The following EDA variants were observed in gnomAD, a reference collection of about 807,000 sequenced individuals.
The protein encoded by EDA is ectodysplasin A.
Under a neutral mutation model 23.6 loss-of-function variants are expected in EDA, and 2 were observed. The ratio of observed to expected loss-of-function variants is 0.08; its 90% CI spans 0.03 to 0.27. The LOEUF (loss-of-function observed/expected upper bound fraction) is 0.27, where lower values mean the gene tolerates loss of function less well. Ranked by LOEUF, EDA falls within the 10% of genes least tolerant of loss-of-function variation. The pLI is 1.00. For missense variants in EDA, 229 were observed against 324.2 expected, an observed-to-expected ratio of 0.71 and a Z score of 2.26; for synonymous variants, 131 against 132.0, an observed-to-expected ratio of 0.99 and a Z score of 0.05.
chrX:69,848,463 G>A (rs1055573059), intron 1 of EDA, among the ~76,000 whole-genome samples: 2 of 110,472 alleles, frequency 1.8e-5, no homozygotes, highest in African/African-American at 6.6e-5. Flanking sequence ...TGATAGTTGG[G>A]ATACTTTATA....
chrX:69,780,164 A>G (rs1344838811), intron 1 of EDA, among the ~76,000 whole-genome samples: 2 of 107,725 alleles, frequency 1.9e-5, no homozygotes, highest in Non-Finnish European at 3.9e-5. Flanking sequence ...ATAACATTTT[A>G]TAAAGAAAGA....
chrX:70,033,109 G>A (rs145421602), intron 6 of EDA, among the ~76,000 whole-genome samples: 43 of 112,650 alleles, frequency 3.8e-4, no homozygotes, highest in African/African-American at 1.3e-3. Flanking sequence ...TCCTCCACCG[G>A]CAAATTCCAG....
At chrX:69,836,461 C>A (rs1296522787) in intron 1 of EDA, among the ~76,000 whole-genome samples, 3 of 112,566 alleles carry the variant, frequency 2.7e-5, no homozygotes, top group Admixed American at 9.4e-5. Flanking sequence ...CTCCCCCAGC[C>A]AGGCTGCCAC....
chrX:69,910,374 A>AGAGAGAGAGTGT (rs1191245556), intron 1 of EDA, among the ~76,000 whole-genome samples: 9 of 41,755 alleles, frequency 2.2e-4, no homozygotes, highest in Admixed American at 1.8e-3. Flanking sequence ...AGAGAGAGAG[A>AGAGAGAGAGTGT]GTGTGTGTGT....
chrX:69,857,038 A>G (rs755813215), intron 1 of EDA, among the ~76,000 whole-genome samples: 10 of 111,445 alleles, frequency 9.0e-5, no homozygotes, highest in African/African-American at 2.3e-4. Flanking sequence ...TCTTGAGTTG[A>G]TTTTTTTGTA....
intron 1 of EDA, among the ~76,000 whole-genome samples, chrX:69,638,813 GTACCGTTCAGTGGC>G (rs2033088679): frequency 9.0e-6 from 1 of 111,353 alleles, no homozygotes; most frequent in South Asian, 3.8e-4. Flanking sequence ...ATTTTTAGGT[GTACCGTTCAGTGGC>G]ATTACGTACA....
intron 1 of EDA, chrX:69,937,052 C>CG (rs781273360): frequency 5.7e-5 from 27 of 476,144 alleles, no homozygotes; most frequent in Non-Finnish European, 8.5e-5. Flanking sequence ...CATGAAAGGG[C>CG]GGGGGGAAGG....
At chrX:69,826,377 G>C (rs1323838277) in intron 1 of EDA, among the ~76,000 whole-genome samples, 297 of 109,368 alleles carry the variant, frequency 2.7e-3, no homozygotes, top group Non-Finnish European at 3.7e-3. Flanking sequence ...ATGAATCTGG[G>C]TGCTCCTGTA....
chrX:69,669,938 T>G (rs1933823377), intron 1 of EDA, among the ~76,000 whole-genome samples: 2 of 112,166 alleles, frequency 1.8e-5, no homozygotes, highest in African/African-American at 6.5e-5. Flanking sequence ...TACACACCAT[T>G]ACAACAGTAT....
At chrX:69,938,254 G>A (rs928855547) in intron 1 of EDA, among the ~76,000 whole-genome samples, 7 of 110,699 alleles carry the variant, frequency 6.3e-5, no homozygotes, top group Admixed American at 9.6e-5. Flanking sequence ...GTCACTTTTC[G>A]CACCGCCTGT....
chrX:69,984,737 C>T (rs1483980967), intron 2 of EDA, among the ~76,000 whole-genome samples: 164 of 10,335 alleles, frequency 0.016, no homozygotes, highest in Middle Eastern at 0.023. Context: ...TTCCAATCAA[C>T]AGAAAAAGAG....
At chrX:69,715,781 G>T (rs1466060384) in intron 1 of EDA, among the ~76,000 whole-genome samples, 3 of 111,763 alleles carry the variant, frequency 2.7e-5, no homozygotes, top group Non-Finnish European at 5.6e-5. Flanking sequence ...ATTTTGACTG[G>T]TGTGAGATGG....
chrX:69,819,935 A>G (rs946677696), intron 1 of EDA, among the ~76,000 whole-genome samples: 2 of 110,404 alleles, frequency 1.8e-5, no homozygotes, highest in Non-Finnish European at 3.8e-5. Flanking sequence ...CAAATAGCCA[A>G]GATAATCCTA....
At chrX:69,616,830 AC>A in intron 1 of EDA, 126 bp downstream of exon 1, 1 of 947,600 alleles carries the variant, frequency 1.1e-6, no homozygotes, top group Non-Finnish European at 1.5e-6. Flanking sequence ...CCAGGGAGGG[AC>A]CAGGCGAGCA....
At chrX:69,852,489 A>G (rs750921719) in intron 1 of EDA, among the ~76,000 whole-genome samples, 1 of 111,787 alleles carries the variant, frequency 8.9e-6, no homozygotes, top group African/African-American at 3.3e-5. Flanking sequence ...ACAAATACAG[A>G]GCAGTAAACT....
chrX:69,928,465 G>A (rs1328325686), intron 1 of EDA, among the ~76,000 whole-genome samples: 2 of 111,637 alleles, frequency 1.8e-5, no homozygotes, highest in East Asian at 5.6e-4. Context: ...TATGTTGTAT[G>A]TTACTGGGGG....
intron 1 of EDA, among the ~76,000 whole-genome samples, chrX:69,759,243 G>T (rs140424144): frequency 4.2e-3 from 474 of 112,172 alleles, no homozygotes; most frequent in African/African-American, 0.014. Context: ...TATAGTAGGA[G>T]TGAATAAGAT....
intron 2 of EDA, among the ~76,000 whole-genome samples, chrX:70,003,741 C>T (rs1027816377): frequency 1.8e-5 from 2 of 111,939 alleles, no homozygotes; most frequent in African/African-American, 6.5e-5. Context: ...TTTCATATCC[C>T]CTTTTTGAAG....
At chrX:69,632,080 T>C (rs749899146) in intron 1 of EDA, among the ~76,000 whole-genome samples, 1 of 112,428 alleles carries the variant, frequency 8.9e-6, no homozygotes, top group East Asian at 2.8e-4. Flanking sequence ...TTCATTTCCT[T>C]TTCCTAATAC....
Sources: gnomAD v4.1 joint callset for allele counts (sites outside exome capture counted in the v4.1 genomes callset) on GRCh38, gnomAD v4.1.1 for gene constraint, MANE v1.5 for transcripts, NCBI Gene and HGNC (gene_info 2026-07-23, HGNC 2026-07-21) for gene names.